MYRIP: variants seen among roughly 807,000 people sequenced by gnomAD.
MYRIP encodes the protein rab effector MyRIP.
Under a neutral mutation model 98.0 loss-of-function variants are expected in MYRIP, and 49 were observed. That is an observed-to-expected ratio of 0.50 (90% confidence interval 0.40 to 0.63). MYRIP has a LOEUF of 0.63. MYRIP is among the 30% of genes least tolerant of loss of function. The pLI, the probability that MYRIP is intolerant of heterozygous loss-of-function variation, is 0.00. For missense variants in MYRIP, 1,004 were observed against 1,058.2 expected, an observed-to-expected ratio of 0.95 and a Z score of 0.71; for synonymous variants, 404 against 409.5, an observed-to-expected ratio of 0.99 and a Z score of 0.16.
intron 2 of MYRIP, among the ~76,000 whole-genome samples, chr3:39,977,281 A>T (rs1472944116): frequency 4.6e-5 from 7 of 152,098 alleles, no homozygotes; most frequent in African/African-American, 1.7e-4. Flanking sequence ...GAGGGGGGCA[A>T]GTCTTCAGGC....
chr3:40,160,273 C>T (rs1427325338), intron 4 of MYRIP, among the ~76,000 whole-genome samples: 1 of 152,136 alleles, frequency 6.6e-6, no homozygotes, highest in Non-Finnish European at 1.5e-5. Context: ...TCAGTCTGCC[C>T]CTACTGGGGG....
At chr3:39,997,159 C>T (rs1044649970) in intron 2 of MYRIP, among the ~76,000 whole-genome samples, 2 of 152,064 alleles carry the variant, frequency 1.3e-5, no homozygotes, top group Non-Finnish European at 2.9e-5. Flanking sequence ...CAAAACCTAG[C>T]AGAAGGCAAG....
chr3:40,250,158 T>G, intron 13 of MYRIP, 64 bp from the exon 14 acceptor site: 1 of 1,336,108 alleles, frequency 7.5e-7, no homozygotes, highest in Admixed American at 1.7e-5. Flanking sequence ...TCTTAACACT[T>G]TTAAGAAATA....
chr3:39,843,110 C>T (rs764102649), intron 1 of MYRIP, among the ~76,000 whole-genome samples: 5 of 152,164 alleles, frequency 3.3e-5, no homozygotes, highest in Non-Finnish European at 7.3e-5. Context: ...TCCCTCCTTC[C>T]ATGGAGGCTT....
intron 11 of MYRIP, among the ~76,000 whole-genome samples, chr3:40,221,042 C>CAAAA (rs150976340): frequency 2.9e-4 from 18 of 61,594 alleles, no homozygotes; most frequent in African/African-American, 5.5e-4. Context: ...GGCAAGTCAC[C>CAAAA]AAAAAAAAAA....
intron 2 of MYRIP, among the ~76,000 whole-genome samples, chr3:39,976,948 A>T (rs1945768751): frequency 6.6e-6 from 1 of 152,172 alleles, no homozygotes; most frequent in Non-Finnish European, 1.5e-5. Context: ...CTAATGTTAA[A>T]TGACGAGTTA....
chr3:40,156,931 C>T (rs1030635753), intron 4 of MYRIP, among the ~76,000 whole-genome samples: 10 of 152,116 alleles, frequency 6.6e-5, no homozygotes, highest in Non-Finnish European at 1.3e-4. Flanking sequence ...ACAATCATGT[C>T]ATCTGCAAAC....
At chr3:40,000,910 A>T (rs868616120) in intron 2 of MYRIP, among the ~76,000 whole-genome samples, 3 of 152,166 alleles carry the variant, frequency 2.0e-5, no homozygotes, top group African/African-American at 4.8e-5. Context: ...CCTTTCTCCT[A>T]CCCTGGATTT....
chr3:40,137,132 G>T (rs921516203), intron 3 of MYRIP, among the ~76,000 whole-genome samples: 26 of 152,134 alleles, frequency 1.7e-4, no homozygotes, highest in Admixed American at 3.9e-4. Flanking sequence ...TTGATAGACT[G>T]CTAGCAAGAC....
At chr3:40,154,133 C>T (rs975364107) in intron 4 of MYRIP, among the ~76,000 whole-genome samples, 21 of 130,714 alleles carry the variant, frequency 1.6e-4, no homozygotes, top group African/African-American at 5.0e-4. Flanking sequence ...AGTGAGATTC[C>T]GTCTCAAAAA....
At position 39,993,387 on chromosome 3, in the gene MYRIP, T is replaced by C. The variant is rs572495833; in HGVS notation, c.111-50663T>C. Reference sequence around the variant, plus strand: ...TAGCAATTTGCATTCATCTTTAGTCTTTTTGTCCTTTCTGCTCCTTCAGCC... The same window carrying C: ...TAGCAATTTGCATTCATCTTTAGTCCTTTTGTCCTTTCTGCTCCTTCAGCC... On this transcript the variant is annotated intron_variant, in intron 2 of 16. Coordinates refer to ENST00000302541, the MANE Select transcript of MYRIP (RefSeq NM_015460.4). 2.1e-4 allele frequency among the ~76,000 whole-genome samples: 32 copies of C among 152,332 alleles called. No homozygotes were observed. The South Asian group carries it at 5.8e-3, about 28-fold the overall frequency.
At chr3:40,067,761 A>ATGG (rs10651327) in intron 3 of MYRIP, among the ~76,000 whole-genome samples, 82,245 of 151,760 alleles carry the variant, frequency 0.54, 22,431 homozygotes, top group East Asian at 0.78. Context: ...GGTCTAAGAG[A>ATGG]TGGTAACATT....
chr3:40,118,778 G>A (rs554269203), intron 3 of MYRIP, among the ~76,000 whole-genome samples: 279 of 151,848 alleles, frequency 1.8e-3, no homozygotes, highest in Non-Finnish European at 2.7e-3. Context: ...ACAGGCCCTG[G>A]GGTGTGATGT....
At chr3:40,159,537 G>A (rs1427364046) in intron 4 of MYRIP, among the ~76,000 whole-genome samples, 1 of 151,348 alleles carries the variant, frequency 6.6e-6, no homozygotes, top group African/African-American at 2.4e-5. Context: ...TCTGAATGTT[G>A]GCCTGCCTTG....
chr3:39,872,202 G>A (rs144642126), intron 1 of MYRIP, among the ~76,000 whole-genome samples: 346 of 152,092 alleles, frequency 2.3e-3, no homozygotes, highest in Non-Finnish European at 3.9e-3. Flanking sequence ...ATAGAGAAAT[G>A]TAAAGACTAT....
At chr3:39,821,748 A>C (rs1291002176) in intron 1 of MYRIP, among the ~76,000 whole-genome samples, 1 of 151,838 alleles carries the variant, frequency 6.6e-6, no homozygotes, top group Admixed American at 6.6e-5. Flanking sequence ...AGAACTTTTT[A>C]ATATTTTTTT....
At chr3:39,844,813 C>CGTA (rs1464185704) in intron 1 of MYRIP, among the ~76,000 whole-genome samples, 1 of 152,284 alleles carries the variant, frequency 6.6e-6, no homozygotes, top group East Asian at 1.9e-4. Context: ...AAAGGTCCAG[C>CGTA]GTAGCATCTC....
intron 3 of MYRIP, among the ~76,000 whole-genome samples, chr3:40,079,366 G>T (rs1948425751): frequency 6.6e-6 from 1 of 152,120 alleles, no homozygotes. Flanking sequence ...ACTTTTTAGT[G>T]TCTAGTGGGC....
intron 13 of MYRIP, among the ~76,000 whole-genome samples, chr3:40,247,708 G>T (rs1024059040): frequency 6.6e-6 from 1 of 152,202 alleles, no homozygotes; most frequent in African/African-American, 2.4e-5. Flanking sequence ...ATTTTTAGTA[G>T]AGAGAGGGTT....
Sources: allele counts gnomAD v4.1 joint callset (sites outside exome capture counted in the v4.1 genomes callset), GRCh38; gene constraint gnomAD v4.1.1; transcripts MANE v1.5; gene names NCBI Gene and HGNC (gene_info 2026-07-23, HGNC 2026-07-21).